The following HNF4A variants were observed in gnomAD, a reference collection of about 807,000 sequenced individuals.
The protein encoded by HNF4A is hepatocyte nuclear factor 4-alpha.
A neutral mutation model predicts 52.4 loss-of-function variants in HNF4A; 15 were observed. The ratio of observed to expected loss-of-function variants is 0.29; its 90% confidence interval spans 0.19 to 0.44. HNF4A has a LOEUF of 0.44. HNF4A is among the 20% of genes least tolerant of loss of function. The pLI, the probability that HNF4A is intolerant of heterozygous loss-of-function variation, is 1.00. For synonymous variants in HNF4A, 280 were observed against 264.4 expected, an observed-to-expected ratio of 1.06 and a Z score of -0.57; for missense variants, 479 against 647.2, an observed-to-expected ratio of 0.74 and a Z score of 2.82.
chr20:44,390,705 TGGAA>T (rs1331631582), intron 1 of HNF4A: 2 of 700,052 alleles, frequency 2.9e-6, no homozygotes, highest in African/African-American at 3.5e-5. Context: ...CACATCTGCC[TGGAA>T]GGAAGGATGG....
intron 1 of HNF4A, among the ~76,000 whole-genome samples, chr20:44,392,640 G>A (rs1459009168): frequency 5.3e-5 from 8 of 152,198 alleles, no homozygotes; most frequent in Admixed American, 1.3e-4. Flanking sequence ...CACCATGTTC[G>A]GCCAACATCT....
chr20:44,387,735 G>A (rs1191691905), intron 1 of HNF4A, among the ~76,000 whole-genome samples: 5 of 118,860 alleles, frequency 4.2e-5, no homozygotes, highest in Admixed American at 1.9e-4. Flanking sequence ...AAAAAAAAAA[G>A]GGAAGAAGTG....
Position 44,414,703 on chromosome 20 carries a change from G to A in HNF4A, c.648+41G>A, listed in dbSNP as rs1161145334. 3 of 1,569,456 alleles carry A rather than the reference G, an allele frequency of 1.9e-6. No homozygotes were observed. In the African/African-American group the frequency reaches 4.0e-5, roughly 21 times the overall value. The stretch of plus-strand genomic sequence containing the variant: ...GATGGTGGGCAGTAGTGGGCAGTGG[G>A]CGGGGCAGCCAGGGGGCTGCTGGCC... On this transcript the variant is annotated intron_variant, in intron 5 of 9. Coordinates refer to ENST00000316099, the MANE Select transcript of HNF4A (RefSeq NM_000457.6).
intron 9 of HNF4A, among the ~76,000 whole-genome samples, chr20:44,428,806 G>A (rs2146489147): frequency 6.6e-6 from 1 of 152,326 alleles, no homozygotes; most frequent in South Asian, 2.1e-4. Flanking sequence ...AAGTAAGGCT[G>A]CACAGTTGGG....
intron 1 of HNF4A, among the ~76,000 whole-genome samples, chr20:44,376,155 C>T (rs1308434463): frequency 3.9e-5 from 6 of 152,142 alleles, no homozygotes; most frequent in African/African-American, 7.2e-5. Context: ...ATCCTAGCTA[C>T]TCAGGAGGCT....
At chr20:44,360,609 G>T (rs1204129654) in intron 1 of HNF4A, among the ~76,000 whole-genome samples, 2 of 152,168 alleles carry the variant, frequency 1.3e-5, no homozygotes, top group Non-Finnish European at 2.9e-5. Flanking sequence ...AGGTAGCCTG[G>T]AATAGCAGCA....
chr20:44,382,761 C>T (rs1399439407), intron 1 of HNF4A, among the ~76,000 whole-genome samples: 1 of 152,124 alleles, frequency 6.6e-6, no homozygotes, highest in African/African-American at 2.4e-5. Context: ...TAGAATTTTG[C>T]TATGTCACTT....
chr20:44,428,456 G>A lies in HNF4A; in HGVS notation c.1251G>A (p.Met417Ile), dbSNP rs550287415. 12 of 1,614,200 alleles carry A rather than the reference G, an allele frequency of 7.4e-6. No individual in the cohort carries two copies. The highest frequency in any genetic ancestry group is 4.5e-5 in the East Asian group (2 of 44,886). The change falls in exon 9 of 10, where the codon ATG (methionine) becomes ATA (isoleucine). Residue 417 changes from methionine (M) to isoleucine (I), a missense_variant. Transcript: ENST00000316099. ...CCACTCACCTCAGCAACGGACAGAT[G>A]TGTGAGTGGCCCCGACCCAGGGGAC...
At chr20:44,369,519 C>T (rs752138496) in intron 1 of HNF4A, among the ~76,000 whole-genome samples, 40 of 151,954 alleles carry the variant, frequency 2.6e-4, no homozygotes, top group Middle Eastern at 3.4e-3. Context: ...CTCAAATGTA[C>T]CTGGAAACAG....
intron 1 of HNF4A, chr20:44,389,587 C>T (rs1266619691): frequency 1.3e-5 from 2 of 152,368 alleles, no homozygotes; most frequent in East Asian, 3.9e-4. Context: ...CAACGATGCA[C>T]GCAGAAGGTG....
chr20:44,424,232 G>C lies in HNF4A; in HGVS notation c.1107G>C (p.Leu369=). Reference sequence around the variant, plus strand: ...TCGGCATGGCCAAGATTGACAACCTGTTGCAGGAGATGCTGCTGGGAGGTC... The same window carrying C: ...TCGGCATGGCCAAGATTGACAACCTCTTGCAGGAGATGCTGCTGGGAGGTC... The change falls in exon 8 of 10, where the codon CTG becomes CTC. Residue 369 remains leucine, a synonymous_variant. Transcript: ENST00000316099. The C allele has an allele frequency of 6.2e-7, 1 of 1,614,102 alleles. No individual in the cohort carries two copies. Among genetic ancestry groups the C allele is most frequent in the Non-Finnish European group, 8.5e-7 (1 of 1,180,022 alleles).
In HNF4A at chr20:44,390,635, G is replaced by A. The variant is rs912392242; in HGVS notation, c.50-15423G>A. On this transcript the variant is annotated intron_variant, in intron 1 of 9. Transcript: ENST00000316673. ...TGTGCGGGACCCCATAGCAGCAGGA[G>A]GAGGATGTCGGACTGGGGCCAGGGC... 11 of 702,440 alleles carry A rather than the reference G, an allele frequency of 1.6e-5. No individual in the cohort carries two copies. In the African/African-American group the frequency reaches 1.7e-4, roughly 11 times the overall value. The allele number at this position is 702,440 out of a possible 1,614,324, so 43.5% of individuals were successfully genotyped here. A position where few individuals can be genotyped will look rare whatever the true frequency, so the allele number is the denominator to read the frequency against.
At chr20:44,406,280 C>T (rs2063499199) in intron 2 of HNF4A, 48 bp downstream of exon 2, 1 of 1,563,390 alleles carries the variant, frequency 6.4e-7, no homozygotes, top group East Asian at 2.3e-5. Context: ...CACTTGGGCT[C>T]ATGGCCCCAA....
intron 1 of HNF4A, among the ~76,000 whole-genome samples, chr20:44,371,003 C>T (rs6031558): frequency 6.6e-6 from 1 of 152,004 alleles, no homozygotes; most frequent in African/African-American, 2.4e-5. Context: ...ACAGGCATGA[C>T]GAAGGGCAGA....
At chr20:44,368,457 A>G (rs112283483) in intron 1 of HNF4A, among the ~76,000 whole-genome samples, 1,753 of 151,872 alleles carry the variant, frequency 0.012, 48 homozygotes, top group African/African-American at 0.041. Context: ...GTGAGCCACC[A>G]GGCCCTGCCA....
chr20:44,418,311 A>G (rs1040067153), intron 5 of HNF4A, 114 bp from the exon 6 acceptor site: 3 of 816,982 alleles, frequency 3.7e-6, no homozygotes, highest in Non-Finnish European at 6.6e-6. Flanking sequence ...TTCACAGTTC[A>G]GGCAGGTAGA....
intron 1 of HNF4A, among the ~76,000 whole-genome samples, chr20:44,381,995 C>T (rs904651165): frequency 1.3e-5 from 2 of 152,200 alleles, no homozygotes; most frequent in African/African-American, 4.8e-5. Context: ...ACATTTACTC[C>T]ACAAAGCAAT....
In HNF4A at chr20:44,431,490, G is replaced by A. The variant is rs1020389961; in HGVS notation, c.*1825G>A. 1 of 152,464 alleles carries A rather than the reference G, an allele frequency of 6.6e-6. No individual in the cohort carries two copies. Among genetic ancestry groups the A allele is most frequent in the Non-Finnish European group, 1.5e-5 (1 of 68,064 alleles). 9.4% of individuals were successfully genotyped at this position (152,464 alleles called of 1,614,324 possible). A position where few individuals can be genotyped will look rare whatever the true frequency, so the allele number is the denominator to read the frequency against. The stretch of plus-strand genomic sequence containing the variant: ...CAGGCTCATCTGGCCTGTTGGCATG[G>A]GGGTGGGACAGTGTGCACAGTGTGG... On this transcript the variant is annotated 3_prime_UTR_variant, in exon 10 of 10. Transcript: ENST00000316099.
At chr20:44,377,515 C>T (rs1012454344) in intron 1 of HNF4A, among the ~76,000 whole-genome samples, 11 of 152,076 alleles carry the variant, frequency 7.2e-5, no homozygotes, top group African/African-American at 2.7e-4. Context: ...GTAATCCAAG[C>T]ACTTTGGGAG....
Sources: gnomAD v4.1 joint callset for allele counts (sites outside exome capture counted in the v4.1 genomes callset) on GRCh38, gnomAD v4.1.1 for gene constraint, MANE v1.5 for transcripts, NCBI Gene and HGNC (gene_info 2026-07-23, HGNC 2026-07-21) for gene names.